Variants in PCDHA8 observed in about 807,000 individuals in gnomAD.
PCDHA8 encodes the protein protocadherin alpha 8.
A neutral mutation model predicts 61.8 loss-of-function variants in PCDHA8; 53 were observed. The ratio of observed to expected loss-of-function variants is 0.86; its 90% CI spans 0.69 to 1.08. The LOEUF is 1.08. Ranked by LOEUF, PCDHA8 falls within the 50% of genes least tolerant of loss-of-function variation. PCDHA8 has a pLI of 0.00. For synonymous variants in PCDHA8, 618 were observed against 556.6 expected, an observed-to-expected ratio of 1.11 and a Z score of -1.55; for missense variants, 1,293 against 1,245.0, an observed-to-expected ratio of 1.04 and a Z score of -0.58.
intron 1 of PCDHA8, chr5:140,855,866 C>T: frequency 2.5e-6 from 2 of 802,280 alleles, no homozygotes; most frequent in Middle Eastern, 2.5e-4. Flanking sequence ...TCGCTGTCGT[C>T]CACAAAATAG....
intron 1 of PCDHA8, among the ~76,000 whole-genome samples, chr5:140,907,440 C>T (rs781836409): frequency 4.6e-5 from 7 of 152,222 alleles, no homozygotes; most frequent in Non-Finnish European, 1.0e-4. Flanking sequence ...TGTGAGTCCA[C>T]AGATGGTAAT....
chr5:140,932,430 G>A (rs1563132683), intron 1 of PCDHA8, among the ~76,000 whole-genome samples: 1 of 151,794 alleles, frequency 6.6e-6, no homozygotes, highest in East Asian at 1.9e-4. Context: ...TGTTCACCTG[G>A]AATTAAAGCA....
At chr5:140,915,503 G>T (rs1420993234) in intron 1 of PCDHA8, among the ~76,000 whole-genome samples, 1 of 152,062 alleles carries the variant, frequency 6.6e-6, no homozygotes, top group Non-Finnish European at 1.5e-5. Flanking sequence ...TAATACTGTG[G>T]TTTTTGCAGA....
At chr5:141,004,213 GGTCA>G (rs3842022) in intron 3 of PCDHA8, among the ~76,000 whole-genome samples, 2 of 152,208 alleles carry the variant, frequency 1.3e-5, no homozygotes, top group East Asian at 3.8e-4. Context: ...CAGATTAGGA[GGTCA>G]GTCAGTGTTT....
intron 3 of PCDHA8, among the ~76,000 whole-genome samples, chr5:140,997,912 A>T (rs2097790316): frequency 1.3e-5 from 2 of 152,224 alleles, no homozygotes. Context: ...GTAGAATTAC[A>T]GAATCATAGG....
At chr5:140,962,625 A>C (rs2095697493) in intron 1 of PCDHA8, among the ~76,000 whole-genome samples, 1 of 152,228 alleles carries the variant, frequency 6.6e-6, no homozygotes, top group Non-Finnish European at 1.5e-5. Context: ...GAGATGTGAA[A>C]AAATTTAGCC....
intron 3 of PCDHA8, among the ~76,000 whole-genome samples, chr5:140,997,002 G>T (rs534893055): frequency 1.3e-5 from 2 of 152,118 alleles, no homozygotes; most frequent in East Asian, 1.9e-4. Context: ...TAACAATTTT[G>T]TGTGTATCCT....
intron 1 of PCDHA8, chr5:140,969,231 C>A (rs782084659): frequency 6.2e-7 from 1 of 1,614,110 alleles, no homozygotes; most frequent in Non-Finnish European, 8.5e-7. Context: ...CCTTCGGGAG[C>A]CCAAGCAGCA....
At chr5:140,908,493 G>A (rs545927854) in intron 1 of PCDHA8, among the ~76,000 whole-genome samples, 1 of 152,152 alleles carries the variant, frequency 6.6e-6, no homozygotes, top group African/African-American at 2.4e-5. Flanking sequence ...AGTTCAGGTT[G>A]CTTGGTGACT....
In PCDHA8 at chr5:140,856,896, T is replaced by C. The variant is rs2044262669; in HGVS notation, c.2394+13181T>C. 1.3e-6 allele frequency: 2 copies of C among 1,596,700 alleles called. No homozygotes were observed. Among genetic ancestry groups the C allele is most frequent in the African/African-American group, 1.3e-5 (1 of 74,376 alleles). ...GAAATGATGTATTCATTTAGCTCTT[T>C]GGTCCCACCCACGATAAGAAGGAAA... is the stretch of plus-strand genomic sequence containing the variant. On this transcript the variant is annotated intron_variant, in intron 1 of 3. Transcript: ENST00000531613.
In PCDHA8 at chr5:140,998,286, A is replaced by G. The variant is rs913397915; in HGVS notation, c.2543-11341A>G. Among the ~76,000 whole-genome samples, 51 of 152,230 alleles carry G rather than the reference A, an allele frequency of 3.4e-4. 1 individual carries two copies. Among genetic ancestry groups the G allele is most frequent in the Non-Finnish European group, 1.5e-5 (1 of 68,044 alleles). On this transcript the variant is annotated intron_variant, in intron 3 of 3. Coordinates refer to ENST00000531613, the MANE Select transcript of PCDHA8 (RefSeq NM_018911.3). ...AAACTGACACCCATAGGATTAAATC[A>G]GATCACACATTTAGTAAGGGCACCA...
chr5:140,892,413 T>C (rs1554185182), intron 1 of PCDHA8, among the ~76,000 whole-genome samples: 1 of 152,222 alleles, frequency 6.6e-6, no homozygotes, highest in Non-Finnish European at 1.5e-5. Context: ...CTTCAGGTAT[T>C]CTAGATAAAA....
intron 1 of PCDHA8, among the ~76,000 whole-genome samples, chr5:140,910,531 C>G (rs2153515118): frequency 6.6e-6 from 1 of 152,310 alleles, no homozygotes; most frequent in Admixed American, 6.5e-5. Flanking sequence ...ACTCCCCTCA[C>G]AAATCTATTT....
At chr5:140,952,351 AAAAG>A (rs1316352142) in intron 1 of PCDHA8, among the ~76,000 whole-genome samples, 25 of 120,612 alleles carry the variant, frequency 2.1e-4, no homozygotes, top group Non-Finnish European at 3.5e-4. Context: ...AAAAAAAAAA[AAAAG>A]AAAGAAAGAA....
chr5:140,860,827 T>G (rs1554153817), intron 1 of PCDHA8: 6 of 152,210 alleles, frequency 3.9e-5, no homozygotes, highest in Admixed American at 2.6e-4. Context: ...AAGCTCCGCC[T>G]CCCAGGTTCA....
At chr5:140,937,836 T>C (rs2091788765) in intron 1 of PCDHA8, among the ~76,000 whole-genome samples, 1 of 150,366 alleles carries the variant, frequency 6.7e-6, no homozygotes, top group Non-Finnish European at 1.5e-5. Flanking sequence ...GGCATGAACC[T>C]GGAAGGCGGA....
At chr5:140,884,917 C>G (rs1343503909) in intron 1 of PCDHA8, among the ~76,000 whole-genome samples, 1 of 152,168 alleles carries the variant, frequency 6.6e-6, no homozygotes, top group Non-Finnish European at 1.5e-5. Flanking sequence ...CTTAATAGTT[C>G]TAAGTATTTA....
In PCDHA8 at chr5:140,870,942, G is replaced by A. The variant is rs782286042; in HGVS notation, c.2394+27227G>A. ...GGCTTTCATATGAATTGCAGCCGGC[G>A]GCGGGCGGCTCGCGCATCCCGTTCC... On this transcript the variant is annotated intron_variant, in intron 1 of 3. Transcript: ENST00000531613. The A allele has an allele frequency of 5.0e-6, 8 of 1,613,740 alleles. No individual in the cohort carries two copies. The Admixed American group carries it at 6.7e-5, about 13-fold the overall frequency.
rs140322145 is a variant in PCDHA8, at chr5:140,968,725, T to C, written c.2395-10224T>C. ...CCAGGAAGATGGGAGATGAGAGTGG[T>C]AGCACTTTCAACCTGACCGTGGTGG... On this transcript the variant is annotated intron_variant, in intron 1 of 3. Coordinates refer to ENST00000531613, the MANE Select transcript of PCDHA8 (RefSeq NM_018911.3). 3.1e-6 allele frequency: 5 copies of C among 1,613,932 alleles called. No individual in the cohort carries two copies. In the African/African-American group the frequency reaches 6.7e-5, roughly 22 times the overall value.
Sources: gnomAD v4.1 joint callset for allele counts (sites outside exome capture counted in the v4.1 genomes callset) on GRCh38, gnomAD v4.1.1 for gene constraint, MANE v1.5 for transcripts, NCBI Gene and HGNC (gene_info 2026-07-23, HGNC 2026-07-21) for gene names.